The following ZNF516 variants were observed in gnomAD, a reference collection of about 807,000 sequenced individuals.
The protein encoded by ZNF516 is zinc finger protein 516.
A neutral mutation model predicts 79.7 loss-of-function variants in ZNF516; 19 were observed. That is an observed-to-expected ratio of 0.24 (90% confidence interval 0.17 to 0.35). The LOEUF is 0.35. ZNF516 is among the 10% of genes least tolerant of loss of function. ZNF516 has a pLI of 1.00. For synonymous variants in ZNF516, 877 were observed against 739.5 expected, an observed-to-expected ratio of 1.19 and a Z score of -3.02; for missense variants, 1,678 against 1,679.5, an observed-to-expected ratio of 1.00 and a Z score of 0.02.
At chr18:76,456,142 C>T (rs1361163025) in intron 2 of ZNF516, among the ~76,000 whole-genome samples, 1 of 152,200 alleles carries the variant, frequency 6.6e-6, no homozygotes, top group East Asian at 1.9e-4. Context: ...TTCTCAGGAG[C>T]CCTGGCGAAC....
rs1031713114 is a variant in ZNF516 at position 76,451,372 on chromosome 18, G to A, written c.-157-8161C>T. On this transcript the variant is annotated intron_variant, in intron 2 of 6. Coordinates refer to ENST00000443185, the MANE Select transcript of ZNF516 (RefSeq NM_014643.4). This position sits in a 1 kb window ranked among gnomAD's most constrained non-coding sequence, Gnocchi z 6.0. ...CGCGGGTGCAGGGGGGTGACAGCCC[G>A]GTCCTGCGCACATCTCCGCTGACAG... Among the ~76,000 whole-genome samples the A allele has an allele frequency of 2.6e-5, 4 of 152,190 alleles. No individual in the cohort carries two copies. Among genetic ancestry groups the A allele is most frequent in the Non-Finnish European group, 1.5e-5 (1 of 68,038 alleles).
intron 3 of ZNF516, among the ~76,000 whole-genome samples, chr18:76,381,974 A>C (rs911167135): frequency 6.6e-5 from 10 of 152,178 alleles, no homozygotes; most frequent in Non-Finnish European, 1.5e-4. Flanking sequence ...TCTGCTAAAA[A>C]TGCAAAAATT....
chr18:76,403,863 C>T (rs999837145), intron 3 of ZNF516, among the ~76,000 whole-genome samples: 1 of 152,166 alleles, frequency 6.6e-6, no homozygotes, highest in Admixed American at 6.5e-5. Context: ...TAATGAAATA[C>T]TTATGATTTT....
rs530049215 is a variant in ZNF516, at chr18:76,386,573, T to A, written c.1811-6270A>T. 9 of 152,298 alleles carry A rather than the reference T, an allele frequency of 5.9e-5. No homozygotes were observed. The East Asian group carries it at 1.7e-3, about 29-fold the overall frequency. 9.4% of individuals were successfully genotyped at this position (152,298 alleles called of 1,614,324 possible). ...TGCTTTTTTTAGAAGACGAATTCAG[T>A]TAAGCGACCATAATTCTAAGGAGCC... On this transcript the variant is annotated intron_variant, in intron 3 of 6. Coordinates refer to ENST00000443185, the MANE Select transcript of ZNF516 (RefSeq NM_014643.4).
rs780526390 is a variant in ZNF516, at chr18:76,370,570, C to T, written c.3390G>A (p.Arg1130=). 1.3e-5 allele frequency: 21 copies of T among 1,606,966 alleles called. No homozygotes were observed. Among genetic ancestry groups the T allele is most frequent in the Non-Finnish European group, 1.8e-5 (21 of 1,176,544 alleles). The change falls in exon 6 of 7, where the codon CGG becomes CGA. Residue 1130 remains arginine, a synonymous_variant. Coordinates refer to ENST00000443185, the MANE Select transcript of ZNF516 (RefSeq NM_014643.4). ...CGGAGGTGGTATGAACTTCAGAACCCCGAGGCCCATCGGACTCAAACACCA... is the reference window on the plus strand; with the variant it reads ...CGGAGGTGGTATGAACTTCAGAACCTCGAGGCCCATCGGACTCAAACACCA... ...HSVVFESDGP[R]GSEVHTTSAD...
chr18:76,456,282 C>A (rs1014781963), intron 2 of ZNF516, among the ~76,000 whole-genome samples: 1 of 152,192 alleles, frequency 6.6e-6, no homozygotes, highest in African/African-American at 2.4e-5. Context: ...TATTCAGGGA[C>A]CTTGCTGCAA....
chr18:76,492,236 T>C, intron 1 of ZNF516: 1 of 985,444 alleles, frequency 1.0e-6, no homozygotes, highest in Non-Finnish European at 1.2e-6. Context: ...TACACGGAGA[T>C]GCTGCTCGGC....
chr18:76,388,418 C>G (rs563461233), intron 3 of ZNF516: 3 of 152,404 alleles, frequency 2.0e-5, no homozygotes, highest in African/African-American at 2.4e-5. Context: ...GCTTGCTACC[C>G]CTCCTGTAAG....
At chr18:76,400,327 T>C (rs1180781709) in intron 3 of ZNF516, among the ~76,000 whole-genome samples, 2 of 152,208 alleles carry the variant, frequency 1.3e-5, no homozygotes, top group African/African-American at 4.8e-5. Flanking sequence ...TTACAATTAT[T>C]GTCATTCTTT....
chr18:76,477,537 G>A (rs905179371), intron 1 of ZNF516, among the ~76,000 whole-genome samples: 18 of 152,112 alleles, frequency 1.2e-4, no homozygotes, highest in South Asian at 6.2e-4. Flanking sequence ...CGTTCTGTCC[G>A]GGGAAAAACA....
chr18:76,383,466 C>A (rs1311264418), intron 3 of ZNF516, among the ~76,000 whole-genome samples: 1 of 147,326 alleles, frequency 6.8e-6, no homozygotes, highest in Non-Finnish European at 1.5e-5. Context: ...TTCCCCACAC[C>A]AGGCACCTTC....
chr18:76,402,389 G>A (rs1428126258), intron 3 of ZNF516, among the ~76,000 whole-genome samples: 4 of 119,492 alleles, frequency 3.3e-5, no homozygotes, highest in Non-Finnish European at 7.0e-5. Context: ...ACCATCCTAA[G>A]ATGCCTAGGT....
intron 4 of ZNF516, among the ~76,000 whole-genome samples, chr18:76,378,617 C>T (rs2074827853): frequency 1.3e-5 from 2 of 152,196 alleles, no homozygotes; most frequent in African/African-American, 4.8e-5. Context: ...TGCAGAGGGC[C>T]ACCAACCCCA....
At chr18:76,419,000 G>C (rs1373711994) in intron 3 of ZNF516, among the ~76,000 whole-genome samples, 1 of 152,178 alleles carries the variant, frequency 6.6e-6, no homozygotes, top group East Asian at 1.9e-4. Flanking sequence ...GCCCAGCTGG[G>C]GCTGGACCCT....
At position 76,443,224 on chromosome 18, in the gene ZNF516, T is replaced by G. The variant is rs1599101469; in HGVS notation, c.-157-13A>C. 1.1e-5 allele frequency: 11 copies of G among 1,006,420 alleles called. No homozygotes were observed. In the East Asian group the frequency reaches 3.0e-4, roughly 28 times the overall value. 62.3% of individuals were successfully genotyped at this position (1,006,420 alleles called of 1,614,324 possible). ...TGGCAGCCAGCACCTGAAACAGAGA[T>G]GGAACATCATCAGCAAAGCTCCTGG... On this transcript the variant is annotated splice_polypyrimidine_tract_variant and intron_variant, in intron 2 of 6. Transcript: ENST00000443185.
chr18:76,433,831 A>C (rs1344743059), intron 3 of ZNF516, among the ~76,000 whole-genome samples: 1 of 152,202 alleles, frequency 6.6e-6, no homozygotes, highest in Non-Finnish European at 1.5e-5. Context: ...GTGCAGAATC[A>C]TCAGTCGGAA....
intron 3 of ZNF516, among the ~76,000 whole-genome samples, chr18:76,406,070 G>C (rs2075300972): frequency 6.6e-6 from 1 of 152,194 alleles, no homozygotes; most frequent in Non-Finnish European, 1.5e-5. Flanking sequence ...AGCGCACGCA[G>C]GTGAGGGGCC....
intron 3 of ZNF516, among the ~76,000 whole-genome samples, chr18:76,433,933 T>C (rs915501455): frequency 6.6e-6 from 1 of 152,114 alleles, no homozygotes; most frequent in African/African-American, 2.4e-5. Flanking sequence ...CTCCATGGCA[T>C]CACACCTCTC....
intron 4 of ZNF516, 62 bp downstream of exon 4, chr18:76,378,793 C>T (rs2074832563): frequency 1.3e-6 from 2 of 1,554,982 alleles, no homozygotes; most frequent in Non-Finnish European, 1.7e-6. Context: ...CAGCCCTGGC[C>T]CTCCGGGGGT....
Sources: gnomAD v4.1 joint callset for allele counts (sites outside exome capture counted in the v4.1 genomes callset) on GRCh38, gnomAD v4.1.1 for gene constraint, Gnocchi (gnomAD v3.1) non-coding constraint, MANE v1.5 for transcripts, NCBI Gene and HGNC (gene_info 2026-07-23, HGNC 2026-07-21) for gene names.